HDAC9: variants seen among roughly 807,000 people sequenced by gnomAD.
The protein encoded by HDAC9 is histone deacetylase 9.
Under a neutral mutation model 139.4 loss-of-function variants are expected in HDAC9, and 41 were observed. That is an observed-to-expected ratio of 0.29 (90% confidence interval 0.23 to 0.38). The LOEUF is 0.38. HDAC9 is among the 10% of genes least tolerant of loss of function. HDAC9 has a pLI of 1.00. For synonymous variants in HDAC9, 517 were observed against 476.2 expected, an observed-to-expected ratio of 1.09 and a Z score of -1.12; for missense variants, 1,147 against 1,297.0, an observed-to-expected ratio of 0.88 and a Z score of 1.78.
At chr7:18,257,197 A>G (rs1385940930) in intron 2 of HDAC9, among the ~76,000 whole-genome samples, 4 of 151,012 alleles carry the variant, frequency 2.6e-5, no homozygotes, top group Admixed American at 2.6e-4. Context: ...ACATTGGGTC[A>G]GGTGTGGTGG....
intron 1 of HDAC9, among the ~76,000 whole-genome samples, chr7:18,155,817 A>G (rs1325824745): frequency 3.9e-5 from 6 of 152,192 alleles, no homozygotes; most frequent in Admixed American, 2.6e-4. Context: ...AACTCCCCAG[A>G]GTCCAGAATG....
chr7:18,405,800 T>C (rs17347592), intron 1 of HDAC9, among the ~76,000 whole-genome samples: 1,900 of 152,246 alleles, frequency 0.012, 24 homozygotes, highest in Non-Finnish European at 0.017. Flanking sequence ...GCACTTGAAC[T>C]AAAATACCGC....
chr7:18,755,116 G>C (rs1788766854), intron 14 of HDAC9, among the ~76,000 whole-genome samples: 1 of 152,136 alleles, frequency 6.6e-6, no homozygotes, highest in South Asian at 2.1e-4. Flanking sequence ...CCTGTGAATT[G>C]TCTCTAAAGG....
rs191553852 is a variant in HDAC9 at position 18,707,106 on chromosome 7, A to G, written c.1732-20474A>G. Among the ~76,000 whole-genome samples the G allele has an allele frequency of 2.9e-3, 440 of 152,320 alleles. 3 individuals are homozygous for G. Among genetic ancestry groups the G allele is most frequent in the African/African-American group, 0.01 (426 of 41,564 alleles). ...GAAGCCAACTGTCAAAAGGAAGCCC[A>G]GGAAGAAAAGCCACAAAGAGAGGGA... On this transcript the variant is annotated intron_variant, in intron 12 of 25. Transcript: ENST00000686413.
At position 18,993,795 on chromosome 7, in the gene HDAC9, C is replaced by CCTGT. The variant is rs567060852; in HGVS notation, c.3171-2225_3171-2222dup. On this transcript the variant is annotated intron_variant, in intron 25 of 25. Transcript: ENST00000686413. ...TCCAGCCTGGGCAACAGAGTGAGAC[C>CCTGT]CTGTCTCAAAAATACATAAATAAAT... Among the ~76,000 whole-genome samples the CCTGT allele has an allele frequency of 1.6e-4, 25 of 151,938 alleles. No individual in the cohort carries two copies. The South Asian group carries it at 4.6e-3, about 28-fold the overall frequency.
At chr7:18,415,996 T>C (rs1789020253) in intron 1 of HDAC9, among the ~76,000 whole-genome samples, 1 of 152,150 alleles carries the variant, frequency 6.6e-6, no homozygotes, top group Non-Finnish European at 1.5e-5. Flanking sequence ...GCTAAAATTT[T>C]ATTTAGAATT....
At chr7:18,225,263 A>C (rs1253760110) in intron 2 of HDAC9, among the ~76,000 whole-genome samples, 1 of 152,210 alleles carries the variant, frequency 6.6e-6, no homozygotes, top group African/African-American at 2.4e-5. Context: ...TTATACACTG[A>C]GTATGCCAAA....
chr7:18,632,076 G>A (rs1405964106), intron 7 of HDAC9, among the ~76,000 whole-genome samples: 1 of 151,784 alleles, frequency 6.6e-6, no homozygotes, highest in Non-Finnish European at 1.5e-5. Flanking sequence ...GAAATGATAT[G>A]GAAATGAGAC....
intron 1 of HDAC9, among the ~76,000 whole-genome samples, chr7:18,396,109 C>T (rs1213438563): frequency 7.4e-6 from 1 of 134,538 alleles, no homozygotes; most frequent in East Asian, 3.1e-4. Context: ...CTTCCCTTCC[C>T]TTCCCTTCCC....
intron 21 of HDAC9, among the ~76,000 whole-genome samples, chr7:18,838,938 C>CA (rs1585131186): frequency 6.6e-6 from 1 of 151,578 alleles, no homozygotes; most frequent in Non-Finnish European, 1.5e-5. Context: ...TTTTCTATAG[C>CA]AAAAAAATCA....
intron 1 of HDAC9, among the ~76,000 whole-genome samples, chr7:18,358,811 C>A (rs1783537644): frequency 6.6e-6 from 1 of 152,190 alleles, no homozygotes. Context: ...CCTGTCCCCT[C>A]ACTGATATTT....
intron 2 of HDAC9, among the ~76,000 whole-genome samples, chr7:18,555,615 T>A (rs1464824835): frequency 6.6e-6 from 1 of 152,080 alleles, no homozygotes; most frequent in Non-Finnish European, 1.5e-5. Flanking sequence ...ATGAAAAAGA[T>A]CCAAGAGGAT....
At chr7:18,148,566 C>T (rs1562675922) in intron 1 of HDAC9, among the ~76,000 whole-genome samples, 1 of 152,192 alleles carries the variant, frequency 6.6e-6, no homozygotes, top group Non-Finnish European at 1.5e-5. Flanking sequence ...ATGCGATTCC[C>T]CCACCTCAGC....
intron 1 of HDAC9, among the ~76,000 whole-genome samples, chr7:18,380,175 A>G (rs1408311275): frequency 6.6e-6 from 1 of 152,224 alleles, no homozygotes; most frequent in African/African-American, 2.4e-5. Flanking sequence ...AGAAGGCCTG[A>G]AACAAAGTGA....
intron 23 of HDAC9, among the ~76,000 whole-genome samples, chr7:18,945,647 G>C (rs74455504): frequency 0.14 from 21,515 of 152,024 alleles, 1,640 homozygotes; most frequent in South Asian, 0.21. Context: ...TAGATGCATA[G>C]TTCATCTGGC....
chr7:18,145,992 CA>C (rs1310952232), intron 1 of HDAC9, among the ~76,000 whole-genome samples: 1 of 151,880 alleles, frequency 6.6e-6, no homozygotes, highest in African/African-American at 2.4e-5. Flanking sequence ...GGGCACATAG[CA>C]AATATATAAG....
At chr7:18,647,701 A>G (rs1250484908) in intron 9 of HDAC9, 84 bp from the exon 10 acceptor site, 42 of 1,179,470 alleles carry the variant, frequency 3.6e-5, no homozygotes, top group Non-Finnish European at 4.6e-5. Flanking sequence ...AAGCTACAGC[A>G]TAGGAAACTT....
intron 1 of HDAC9, among the ~76,000 whole-genome samples, chr7:18,486,758 T>G (rs1796003169): frequency 6.6e-6 from 1 of 152,028 alleles, no homozygotes; most frequent in African/African-American, 2.4e-5. Context: ...ATATGAAACA[T>G]GTTTGGGTAT....
At chr7:18,981,779 A>G (rs187245848) in intron 25 of HDAC9, among the ~76,000 whole-genome samples, 20 of 152,292 alleles carry the variant, frequency 1.3e-4, no homozygotes, top group African/African-American at 3.1e-4. Context: ...TTTAATCACA[A>G]CTACAAAATC....
Sources: gnomAD v4.1 joint callset for allele counts (sites outside exome capture counted in the v4.1 genomes callset) on GRCh38, gnomAD v4.1.1 for gene constraint, MANE v1.5 for transcripts, NCBI Gene and HGNC (gene_info 2026-07-23, HGNC 2026-07-21) for gene names.